The following ANKRD6 variants were observed in gnomAD, a reference collection of about 807,000 sequenced individuals.
ANKRD6 encodes ankyrin repeat domain-containing protein 6.
Under a neutral mutation model 82.3 loss-of-function variants are expected in ANKRD6, and 56 were observed. The ratio of observed to expected loss-of-function variants is 0.68; its 90% confidence interval spans 0.55 to 0.85. The LOEUF (loss-of-function observed/expected upper bound fraction) is 0.85. Ranked by LOEUF, ANKRD6 falls within the 40% of genes least tolerant of loss-of-function variation. ANKRD6 has a pLI of 0.00. For synonymous variants in ANKRD6, 347 were observed against 352.1 expected (o/e 0.99, Z 0.16); for missense variants, 852 against 907.6 (o/e 0.94, Z 0.79).
At chr6:89,506,928 C>T (rs567475522) in intron 1 of ANKRD6, among the ~76,000 whole-genome samples, 1 of 152,334 alleles carries the variant, frequency 6.6e-6, no homozygotes, top group African/African-American at 2.4e-5. Context: ...GTGAATACTG[C>T]AGGGGCCTCT....
chr6:89,452,977 C>T (rs189106725), intron 1 of ANKRD6, among the ~76,000 whole-genome samples: 2 of 152,262 alleles, frequency 1.3e-5, no homozygotes, highest in African/African-American at 2.4e-5. Context: ...AACTAGTCTG[C>T]GGCTCCCATG....
At chr6:89,582,964 T>A (rs1199132718) in intron 2 of ANKRD6, among the ~76,000 whole-genome samples, 2 of 152,192 alleles carry the variant, frequency 1.3e-5, no homozygotes, top group Non-Finnish European at 2.9e-5. Context: ...TCCACCTGAG[T>A]CAGCTGTCCT....
intron 1 of ANKRD6, among the ~76,000 whole-genome samples, chr6:89,553,207 GA>G: frequency 6.6e-6 from 1 of 152,320 alleles, no homozygotes; most frequent in East Asian, 1.9e-4. Flanking sequence ...CAGAATGATT[GA>G]ATAAAATGGG....
chr6:89,625,065 T>G (rs1380708696), intron 13 of ANKRD6, among the ~76,000 whole-genome samples: 1 of 152,084 alleles, frequency 6.6e-6, no homozygotes, highest in African/African-American at 2.4e-5. Context: ...GGCAGATCAC[T>G]TGAGGTCAGG....
chr6:89,621,846 C>G, intron 9 of ANKRD6, 76 bp from the exon 10 acceptor site: 2 of 1,427,742 alleles, frequency 1.4e-6, no homozygotes, highest in Non-Finnish European at 2.0e-6. Flanking sequence ...GGTCAGAGCC[C>G]CAGGTCCAAG....
At chr6:89,582,158 A>C (rs960539601) in intron 2 of ANKRD6, among the ~76,000 whole-genome samples, 2 of 152,212 alleles carry the variant, frequency 1.3e-5, no homozygotes, top group East Asian at 1.9e-4. Flanking sequence ...GAAACCAGTA[A>C]GATGATACAA....
intron 1 of ANKRD6, among the ~76,000 whole-genome samples, chr6:89,515,411 G>A (rs1781080852): frequency 6.6e-6 from 1 of 152,212 alleles, no homozygotes; most frequent in Non-Finnish European, 1.5e-5. Flanking sequence ...GTTCTTGCAA[G>A]GACTTGGGTC....
At chr6:89,550,694 A>G (rs1330997299) in intron 1 of ANKRD6, among the ~76,000 whole-genome samples, 2 of 152,122 alleles carry the variant, frequency 1.3e-5, no homozygotes, top group Non-Finnish European at 2.9e-5. Context: ...GGTGTCTCAC[A>G]CCTGTAATCC....
chr6:89,577,878 C>A (rs73752778), intron 2 of ANKRD6, among the ~76,000 whole-genome samples: 6 of 152,088 alleles, frequency 3.9e-5, no homozygotes, highest in Admixed American at 1.3e-4. Context: ...TTATCTTCTC[C>A]AAAAGGAAGT....
At chr6:89,555,065 T>A (rs1283704793) in intron 1 of ANKRD6, among the ~76,000 whole-genome samples, 2 of 65,736 alleles carry the variant, frequency 3.0e-5, no homozygotes, top group African/African-American at 6.4e-5. Context: ...CCTCCCCCCC[T>A]TCTCTTCTCA....
At chr6:89,574,319 A>G (rs985072564) in intron 2 of ANKRD6, among the ~76,000 whole-genome samples, 4 of 152,300 alleles carry the variant, frequency 2.6e-5, no homozygotes, top group Admixed American at 2.6e-4. Flanking sequence ...TTTGACAACC[A>G]AAAATGTCTC....
chr6:89,610,100 A>G (rs1799841586), intron 5 of ANKRD6, among the ~76,000 whole-genome samples: 1 of 152,212 alleles, frequency 6.6e-6, no homozygotes, highest in Non-Finnish European at 1.5e-5. Context: ...TGCTACATAT[A>G]TATCTACCCT....
At chr6:89,512,516 T>G (rs900922803) in intron 1 of ANKRD6, among the ~76,000 whole-genome samples, 1 of 152,174 alleles carries the variant, frequency 6.6e-6, no homozygotes, top group African/African-American at 2.4e-5. Flanking sequence ...GTTTTGGGGA[T>G]CCCATACTGT....
chr6:89,478,361 G>T (rs953667903), intron 1 of ANKRD6: 1 of 152,244 alleles, frequency 6.6e-6, no homozygotes, highest in Admixed American at 6.5e-5. Context: ...CTCCCTTGCT[G>T]ATCAGTAGTG....
chr6:89,572,122 C>G (rs1790058458), intron 2 of ANKRD6, among the ~76,000 whole-genome samples: 1 of 152,176 alleles, frequency 6.6e-6, no homozygotes, highest in Non-Finnish European at 1.5e-5. Context: ...CCTTTTAGGA[C>G]TGAAAAATCT....
At chr6:89,612,926 A>C (rs750851657) in intron 6 of ANKRD6, among the ~76,000 whole-genome samples, 1 of 152,228 alleles carries the variant, frequency 6.6e-6, no homozygotes, top group Non-Finnish European at 1.5e-5. Context: ...ATAAATAAAT[A>C]AATCTGAGGC....
Position 89,630,932 on chromosome 6 carries a change from A to T in ANKRD6, c.2112A>T (p.Thr704=). The change falls in exon 16 of 16, where the codon ACA becomes ACT. Residue 704 remains threonine, a synonymous_variant. Transcript: ENST00000339746. ...ANQKAQQDKA[T]LKEHIKSLEE... Reference sequence around the variant, plus strand: ...AGAAAGCCCAGCAAGATAAGGCTACATTGAAGGAACACATTAAAAGTTTAG... The same window carrying T: ...AGAAAGCCCAGCAAGATAAGGCTACTTTGAAGGAACACATTAAAAGTTTAG... 6 of 1,608,254 alleles carry T rather than the reference A, an allele frequency of 3.7e-6. No homozygotes were observed. In the South Asian group the frequency reaches 6.7e-5, roughly 18 times the overall value.
chr6:89,542,779 G>T (rs1784591363), intron 1 of ANKRD6, among the ~76,000 whole-genome samples: 1 of 152,200 alleles, frequency 6.6e-6, no homozygotes, highest in Non-Finnish European at 1.5e-5. Flanking sequence ...AAGATCACCA[G>T]TATAAGTAAT....
intron 13 of ANKRD6, among the ~76,000 whole-genome samples, chr6:89,626,394 G>A (rs1018813858): frequency 6.6e-6 from 1 of 152,144 alleles, no homozygotes; most frequent in Non-Finnish European, 1.5e-5. Context: ...TCATACCCGA[G>A]CCAGTTAGTG....
Sources: gnomAD v4.1 joint callset for allele counts (sites outside exome capture counted in the v4.1 genomes callset) on GRCh38, gnomAD v4.1.1 for gene constraint, MANE v1.5 for transcripts, NCBI Gene and HGNC (gene_info 2026-07-23, HGNC 2026-07-21) for gene names.